Variants in ZNF675 observed in about 807,000 individuals in gnomAD.
ZNF675 encodes the protein zinc finger protein 675.
In ZNF675, 36 loss-of-function variants were observed where a neutral mutation model predicts 56.1. The observed-to-expected ratio is 0.64, with a 90% CI of 0.49 to 0.85. The LOEUF (loss-of-function observed/expected upper bound fraction) is 0.85, where lower values mean the gene tolerates loss of function less well. Among genes scored for constraint, ZNF675 ranks in the 40% least tolerant of loss-of-function variants. The pLI is 0.00. For synonymous variants in ZNF675, 200 were observed against 218.9 expected, an observed-to-expected ratio of 0.91 and a Z score of 0.76; for missense variants, 663 against 654.2, an observed-to-expected ratio of 1.01 and a Z score of -0.15.
Position 23,687,189 on chromosome 19 carries a change from C to G in ZNF675, c.-156G>C. Reference sequence around the variant, plus strand: ...CTGCAGCGAGAGACAAAGGCGCCGCCAAATCCCGGAAGCCATCTTGTCTGC... The same window carrying G: ...CTGCAGCGAGAGACAAAGGCGCCGCGAAATCCCGGAAGCCATCTTGTCTGC... On this transcript the variant is annotated 5_prime_UTR_variant, in exon 1 of 4. Coordinates refer to ENST00000359788, the MANE Select transcript of ZNF675 (RefSeq NM_138330.3). The G allele has an allele frequency of 5.7e-6, 5 of 877,520 alleles. 1 individual carries two copies. In the South Asian group the frequency reaches 5.9e-5, roughly 10 times the overall value. 54.4% of individuals were successfully genotyped at this position (877,520 alleles called of 1,614,324 possible). A position where few individuals can be genotyped will look rare whatever the true frequency, so the allele number is the denominator to read the frequency against.
At chr19:23,686,965 A>T in intron 1 of ZNF675, 66 bp downstream of exon 1, 1 of 1,601,268 alleles carries the variant, frequency 6.2e-7, no homozygotes, top group South Asian at 1.1e-5. Flanking sequence ...GTCCCGCCAT[A>T]GCCATTTCCC....
intron 1 of ZNF675, among the ~76,000 whole-genome samples, chr19:23,669,039 G>A (rs1467456217): frequency 6.6e-6 from 1 of 152,242 alleles, no homozygotes; most frequent in African/African-American, 2.4e-5. Context: ...GGCAGAGGAG[G>A]CGCCGAGAGC....
At chr19:23,667,541 C>A (rs1212840257) in intron 1 of ZNF675, among the ~76,000 whole-genome samples, 1 of 152,100 alleles carries the variant, frequency 6.6e-6, no homozygotes, top group Non-Finnish European at 1.5e-5. Flanking sequence ...TAGTTACATA[C>A]AGAGTATCGA....
chr19:23,678,511 A>G (rs951613597), intron 1 of ZNF675, among the ~76,000 whole-genome samples: 2 of 151,348 alleles, frequency 1.3e-5, no homozygotes, highest in African/African-American at 4.9e-5. Flanking sequence ...TCGGCCTCCC[A>G]AAGTGCTGGG....
intron 1 of ZNF675, among the ~76,000 whole-genome samples, chr19:23,679,233 G>A (rs1267037956): frequency 1.3e-5 from 2 of 149,580 alleles, no homozygotes. Flanking sequence ...TAAAAATAAT[G>A]CCACACACTT....
At chr19:23,675,825 A>G (rs1342477902) in intron 1 of ZNF675, among the ~76,000 whole-genome samples, 1 of 151,638 alleles carries the variant, frequency 6.6e-6, no homozygotes, top group Non-Finnish European at 1.5e-5. Context: ...CTAAGGTAGA[A>G]GAAAACAACA....
chr19:23,665,506 G>A (rs1968138312), intron 1 of ZNF675, among the ~76,000 whole-genome samples: 1 of 151,930 alleles, frequency 6.6e-6, no homozygotes, highest in Non-Finnish European at 1.5e-5. Context: ...GGGTTTTTGT[G>A]TGTGTGTGTG....
In ZNF675 at chr19:23,654,179, G is replaced by A. The variant is rs201045890; in HGVS notation, c.754C>T (p.Arg252Ter). The A allele has an allele frequency of 2.9e-4, 475 of 1,613,846 alleles. No individual in the cohort carries two copies. Among genetic ancestry groups the A allele is most frequent in the Non-Finnish European group, 3.8e-4 (452 of 1,179,938 alleles). The change falls in exon 4 of 4, where the codon CGA becomes TGA. Residue 252 changes from arginine to a stop codon, truncating the protein, a stop_gained. Transcript: ENST00000359788. LOFTEE classifies it high-confidence loss of function. ...TCTTCACATTTGTATGGTTTCTCTC[G>A]AGCATAATCTTTTTTATATTCAGTA... Reference protein sequence around the residue: ...NLTEYKKDYAREKPYKCEECG... With the variant: ...NLTEYKKDYA
intron 1 of ZNF675, among the ~76,000 whole-genome samples, chr19:23,676,991 G>C (rs943911425): frequency 1.6e-5 from 2 of 123,594 alleles, no homozygotes; most frequent in Non-Finnish European, 3.5e-5. Flanking sequence ...AGAGAATGGC[G>C]GCGTTAACCC....
chr19:23,654,977 T>TTTAG (rs1967963137), intron 3 of ZNF675: 1 of 258,378 alleles, frequency 3.9e-6, no homozygotes, highest in South Asian at 1.3e-4. Flanking sequence ...GACTCACACC[T>TTTAG]GTACTCCCAG....
chr19:23,653,352 C>A lies in ZNF675; in HGVS notation c.1581G>T (p.Lys527Asn), dbSNP rs1483490521. The A allele has an allele frequency of 6.2e-7, 1 of 1,613,588 alleles. No homozygotes were observed. The highest frequency in any genetic ancestry group is 1.3e-5 in the African/African-American group (1 of 75,018). ...AGGGTTTCTCTCCAGTATGAATTAT[C>A]TTATGTTCAGTAAGTTTTGAGGATC... The part of the protein sequence containing the change: ...FSRSSKLTEH[K>N]IIHTGEKPYK... The change falls in exon 4 of 4, where the codon AAG (lysine) becomes AAT (asparagine). Residue 527 changes from lysine to asparagine, a missense_variant. Physicochemically the swap from Lys to Asn is moderately conservative, Grantham distance 94. Around this residue, in one of 3 missense-constraint regions of ZNF675, gnomAD observed 617 missense variants for 590.5 expected, o/e 1.04. Transcript: ENST00000359788.
chr19:23,673,300 T>C (rs2144943110), intron 1 of ZNF675, among the ~76,000 whole-genome samples: 1 of 151,982 alleles, frequency 6.6e-6, no homozygotes, highest in African/African-American at 2.4e-5. Context: ...CTCATGTCTA[T>C]GTGTATACTC....
intron 1 of ZNF675, among the ~76,000 whole-genome samples, chr19:23,665,131 G>A (rs1480238832): frequency 6.6e-6 from 1 of 151,764 alleles, no homozygotes; most frequent in Non-Finnish European, 1.5e-5. Context: ...GATCACTTGA[G>A]GTCAGGAGTT....
rs1331955987 is a variant in ZNF675, at chr19:23,656,405, T to A, written c.227-1699A>T. On this transcript the variant is annotated intron_variant, in intron 3 of 3. Coordinates refer to ENST00000359788, the MANE Select transcript of ZNF675 (RefSeq NM_138330.3). ...TGAGGTCAGGAGTTTGGGACCAGCCTGGCCAACATGGTGAAACCCCTTCTC... is the reference window on the plus strand; with the variant it reads ...TGAGGTCAGGAGTTTGGGACCAGCCAGGCCAACATGGTGAAACCCCTTCTC... 3 of 152,210 alleles carry A rather than the reference T, an allele frequency of 2.0e-5. No homozygotes were observed. In the East Asian group the frequency reaches 5.8e-4, roughly 29 times the overall value. 9.4% of individuals were successfully genotyped at this position (152,210 alleles called of 1,614,324 possible).
chr19:23,662,637 AAAAT>A (rs1457228119), intron 2 of ZNF675, among the ~76,000 whole-genome samples: 1 of 152,224 alleles, frequency 6.6e-6, no homozygotes, highest in African/African-American at 2.4e-5. Flanking sequence ...ATACATTACC[AAAAT>A]ATATTCTACA....
At chr19:23,663,291 A>G (rs1968106379) in intron 1 of ZNF675, 133 bp from the exon 2 acceptor site, 3 of 1,177,548 alleles carry the variant, frequency 2.5e-6, no homozygotes, top group East Asian at 5.8e-5. Context: ...CAATAAAATC[A>G]TATTTTTTAC....
intron 1 of ZNF675, among the ~76,000 whole-genome samples, chr19:23,683,020 C>A (rs1363698740): frequency 6.6e-6 from 1 of 151,548 alleles, no homozygotes. Context: ...GAAACCCCAT[C>A]TCTACTACAA....
chr19:23,678,261 CT>C lies in ZNF675; in HGVS notation c.3+8769del, dbSNP rs71165873. ...TTTCTATGAAACTATCAAAAATATT[CT>C]TTTTTTTTTTTTTTGACGGAGTTTG... On this transcript the variant is annotated intron_variant, in intron 1 of 3. Coordinates refer to ENST00000359788, the MANE Select transcript of ZNF675 (RefSeq NM_138330.3). Among the ~76,000 whole-genome samples, 257 of 139,498 alleles carry C rather than the reference CT, an allele frequency of 1.8e-3. 2 individuals carry two copies. The highest frequency in any genetic ancestry group is 2.0e-3 in the Non-Finnish European group (133 of 65,646). 91.5% of individuals were successfully genotyped at this position (139,498 alleles called of 152,430 possible).
intron 1 of ZNF675, among the ~76,000 whole-genome samples, chr19:23,664,558 T>C (rs770126742): frequency 6.6e-5 from 10 of 152,210 alleles, no homozygotes; most frequent in Admixed American, 6.5e-4. Flanking sequence ...AACCAGCCCT[T>C]TGACCATTCT....
Sources: gnomAD v4.1 joint callset for allele counts (sites outside exome capture counted in the v4.1 genomes callset) on GRCh38, gnomAD v4.1.1 for gene constraint, gnomAD v4.1.1 regional missense constraint, MANE v1.5 for transcripts, NCBI Gene and HGNC (gene_info 2026-07-23, HGNC 2026-07-21) for gene names.